The following MICAL2 variants were observed in gnomAD, a reference collection of about 807,000 sequenced individuals.
MICAL2 encodes microtubule associated monooxygenase, calponin and LIM domain containing 2, also known as [F-actin]-monooxygenase MICAL2.
A neutral mutation model predicts 127.3 loss-of-function variants in MICAL2; 77 were observed. The observed-to-expected ratio is 0.60, with a 90% confidence interval of 0.50 to 0.73. The LOEUF (loss-of-function observed/expected upper bound fraction) is 0.73, where lower values mean the gene tolerates loss of function less well. Among genes scored for constraint, MICAL2 ranks in the 30% least tolerant of loss-of-function variants. The probability of loss-of-function intolerance (pLI) is 0.00; values close to 1 mark genes in which losing one functional copy is unlikely to be tolerated. For synonymous variants in MICAL2, 570 were observed against 551.1 expected (o/e 1.03, Z -0.48); for missense variants, 1,351 against 1,434.4 (o/e 0.94, Z 0.94).
rs138904203 is a variant in MICAL2 at position 12,142,663 on chromosome 11, G to T, written c.-78+4203G>T. The stretch of plus-strand genomic sequence containing the variant: ...TGCTGAGCTCAAGGAAATGCATCTG[G>T]AGCACTTTGCATTGGGCAAGCACTA... On this transcript the variant is annotated intron_variant, in intron 2 of 27. Transcript: ENST00000683283. Among the ~76,000 whole-genome samples, 27 of 152,330 alleles carry T rather than the reference G, an allele frequency of 1.8e-4. 1 individual carries two copies. In the East Asian group the frequency reaches 5.2e-3, roughly 29 times the overall value.
chr11:12,333,055 A>T (rs1278773557), intron 32 of MICAL2, among the ~76,000 whole-genome samples: 1 of 152,192 alleles, frequency 6.6e-6, no homozygotes, highest in Non-Finnish European at 1.5e-5. Context: ...CAAGCCAAAT[A>T]TTGAACAAAC....
chr11:12,292,310 G>A, downstream of MICAL2: 1 of 1,613,922 alleles, frequency 6.2e-7, no homozygotes, highest in East Asian at 2.2e-5. Flanking sequence ...GAGTGTCCCT[G>A]AGGGTCCTGC....
chr11:12,171,025 C>A (rs1477185621), intron 3 of MICAL2, among the ~76,000 whole-genome samples: 1 of 152,188 alleles, frequency 6.6e-6, no homozygotes, highest in African/African-American at 2.4e-5. Flanking sequence ...TTGAGGAAGA[C>A]AAAACCAGAC....
Position 12,258,546 on chromosome 11 carries a change from A to C in MICAL2, c.3221A>C (p.Gln1074Pro). The change falls in exon 25 of 28, where the codon CAA becomes CCA. Residue 1074 changes from glutamine to proline, a missense_variant. By Grantham distance (76) the Gln-to-Pro change is moderately conservative (BLOSUM62 -1). Around this residue, in one of 2 missense-constraint regions of MICAL2, gnomAD observed 752 missense variants for 719.4 expected, o/e 1.05. Transcript: ENST00000683283. ...KQRKRRAELK[Q>P]QREEEATWQE... is the part of the protein sequence containing the mutation. ...CGGAAGAGACGGGCAGAGTTGAAGC[A>C]ACAAAGAGAGGTATGTTTGTCTCAA... 1.2e-6 allele frequency: 2 copies of C among 1,613,622 alleles called. No individual in the cohort carries two copies. The highest frequency in any genetic ancestry group is 1.7e-6 in the Non-Finnish European group (2 of 1,179,738).
intron 1 of MICAL2, among the ~76,000 whole-genome samples, chr11:12,125,964 G>C (rs1850886936): frequency 6.6e-6 from 1 of 152,156 alleles, no homozygotes; most frequent in African/African-American, 2.4e-5. Flanking sequence ...ACCTGCTTGA[G>C]TCAGGGCTCT....
downstream of MICAL2, among the ~76,000 whole-genome samples, chr11:12,359,633 T>TG (rs1939179990): frequency 6.6e-6 from 1 of 152,152 alleles, no homozygotes; most frequent in Admixed American, 6.5e-5. Flanking sequence ...AGCTGGAAGA[T>TG]GGAGTTTGTG....
intron 29 of MICAL2, among the ~76,000 whole-genome samples, chr11:12,297,419 A>G (rs1863999205): frequency 1.3e-5 from 2 of 152,096 alleles, no homozygotes; most frequent in South Asian, 4.1e-4. Flanking sequence ...CAAAAGGGAA[A>G]TTTAACCCTT....
intron 26 of MICAL2, chr11:12,260,203 T>C (rs1407254459): frequency 1.4e-5 from 20 of 1,469,224 alleles, no homozygotes; most frequent in Non-Finnish European, 1.7e-5. Context: ...TGCCTTCACA[T>C]TTCCAGGGAG....
chr11:12,323,051 C>G (rs986998215), intron 30 of MICAL2, among the ~76,000 whole-genome samples: 5 of 152,100 alleles, frequency 3.3e-5, no homozygotes, highest in African/African-American at 1.2e-4. Context: ...GTCTTGTGGG[C>G]CCAGTGCTCA....
At chr11:12,290,831 G>T (rs922505512), downstream of MICAL2, among the ~76,000 whole-genome samples, 10 of 152,216 alleles carry the variant, frequency 6.6e-5, no homozygotes, top group Non-Finnish European at 1.5e-5. Flanking sequence ...ATGGGGGAAG[G>T]CAGGACAGAA....
downstream of MICAL2, chr11:12,294,446 C>T (rs1352871891): frequency 1.9e-6 from 3 of 1,614,130 alleles, no homozygotes; most frequent in Admixed American, 5.0e-5. Context: ...CTTTAGCCCT[C>T]CTGACCCTGC....
intron 1 of MICAL2, among the ~76,000 whole-genome samples, chr11:12,123,715 TGATCA>T (rs932841758): frequency 7.9e-5 from 12 of 152,304 alleles, no homozygotes; most frequent in Middle Eastern, 3.4e-3. Flanking sequence ...AATGCATTTC[TGATCA>T]GTGAAATACG....
intron 34 of MICAL2, chr11:12,354,877 T>C (rs1313881007): frequency 1.2e-6 from 2 of 1,609,428 alleles, no homozygotes; most frequent in South Asian, 2.2e-5. Context: ...CTTGGGCCTT[T>C]GTTGAGAACT....
chr11:12,351,961 T>C (rs925974635), intron 33 of MICAL2, among the ~76,000 whole-genome samples: 17 of 152,076 alleles, frequency 1.1e-4, no homozygotes, highest in African/African-American at 3.6e-4. Flanking sequence ...CTAATTTTTG[T>C]ATTTTTAATA....
At position 12,204,472 on chromosome 11, in the gene MICAL2, T is replaced by C. The variant is rs770186112; in HGVS notation, c.472+15T>C. On this transcript the variant is annotated intron_variant, in intron 4 of 27. Coordinates refer to ENST00000683283, the MANE Select transcript of MICAL2 (RefSeq NM_001282663.2). ...CGACCATATCAGTGAGTGGAGTCTA[T>C]GGTGATATCCCATGAAGGGAGGGGA... is the stretch of plus-strand genomic sequence containing the variant. The C allele has an allele frequency of 1.2e-6, 2 of 1,612,590 alleles. No individual in the cohort carries two copies. The highest frequency in any genetic ancestry group is 1.7e-5 in the Admixed American group (1 of 60,012).
chr11:12,311,374 T>C (rs769413498), intron 29 of MICAL2, among the ~76,000 whole-genome samples: 1 of 152,086 alleles, frequency 6.6e-6, no homozygotes, highest in Non-Finnish European at 1.5e-5. Flanking sequence ...TTCTTTCTTT[T>C]TTTTTGGTTG....
chr11:12,150,768 G>A (rs1405731401), intron 2 of MICAL2, among the ~76,000 whole-genome samples: 1 of 152,168 alleles, frequency 6.6e-6, no homozygotes, highest in African/African-American at 2.4e-5. Context: ...AGGGTGCCGG[G>A]CAGAGACTTG....
chr11:12,284,532 ATCTC>A (rs921976983), intron 2 of MICAL2, among the ~76,000 whole-genome samples: 1 of 152,130 alleles, frequency 6.6e-6, no homozygotes, highest in Non-Finnish European at 1.5e-5. Flanking sequence ...GTGATGGAAA[ATCTC>A]TCTTGAACTT....
chr11:12,233,121 G>T (rs899484831), intron 15 of MICAL2, among the ~76,000 whole-genome samples: 13 of 152,182 alleles, frequency 8.5e-5, no homozygotes, highest in Non-Finnish European at 7.3e-5. Context: ...GAATGTATCT[G>T]CCATGGATGA....
Sources: allele counts gnomAD v4.1 joint callset (sites outside exome capture counted in the v4.1 genomes callset), GRCh38; gene constraint gnomAD v4.1.1; regional missense constraint gnomAD v4.1.1; transcripts MANE v1.5; gene names NCBI Gene and HGNC (gene_info 2026-07-23, HGNC 2026-07-21).